EPHA5: variants seen among roughly 807,000 people sequenced by gnomAD.
EPHA5 encodes the protein EPH receptor A5, also known as ephrin type-A receptor 5.
Under a neutral mutation model 105.0 loss-of-function variants are expected in EPHA5, and 60 were observed. That is an observed-to-expected ratio of 0.57 (90% CI 0.46 to 0.71). EPHA5 has a LOEUF of 0.71. Among genes scored for constraint, EPHA5 ranks in the 30% least tolerant of loss-of-function variants. EPHA5 has a pLI of 0.00. For missense variants in EPHA5, 1,218 were observed against 1,274.7 expected (o/e 0.96, Z 0.68); for synonymous variants, 513 against 449.1 (o/e 1.14, Z -1.80).
chr4:65,491,571 T>C (rs2149216419), intron 4 of EPHA5, among the ~76,000 whole-genome samples: 1 of 152,176 alleles, frequency 6.6e-6, no homozygotes, highest in East Asian at 1.9e-4. Context: ...ACGAATAGCT[T>C]TCAGGAGTGA....
chr4:65,396,084 C>T (rs1721203710), intron 8 of EPHA5, among the ~76,000 whole-genome samples: 1 of 152,210 alleles, frequency 6.6e-6, no homozygotes, highest in Non-Finnish European at 1.5e-5. Context: ...CCAAAAGACT[C>T]CCTGCCCCTG....
chr4:65,622,710 T>C (rs1220120613), intron 2 of EPHA5, among the ~76,000 whole-genome samples: 1 of 152,108 alleles, frequency 6.6e-6, no homozygotes, highest in Non-Finnish European at 1.5e-5. Context: ...CCTTTGAATT[T>C]TGTTTTTAAA....
At chr4:65,348,952 A>T (rs1272910067) in intron 13 of EPHA5, among the ~76,000 whole-genome samples, 1 of 149,236 alleles carries the variant, frequency 6.7e-6, no homozygotes, top group Non-Finnish European at 1.5e-5. Flanking sequence ...AGTAGCTGGG[A>T]CTACAGATGT....
intron 5 of EPHA5, among the ~76,000 whole-genome samples, chr4:65,466,328 T>C (rs569827347): frequency 2.6e-5 from 4 of 152,314 alleles, no homozygotes; most frequent in African/African-American, 9.6e-5. Context: ...AGTTCAATGA[T>C]TGGCAAAAAA....
intron 2 of EPHA5, among the ~76,000 whole-genome samples, chr4:65,640,302 T>TTTA (rs1354102461): frequency 6.8e-6 from 1 of 146,966 alleles, no homozygotes; most frequent in African/African-American, 2.5e-5. Flanking sequence ...TTTTTTTTTT[T>TTTA]TGAGACGGAG....
chr4:65,348,813 A>ATT (rs1411450820), intron 13 of EPHA5, among the ~76,000 whole-genome samples: 1,951 of 41,292 alleles, frequency 0.047, 405 homozygotes, highest in South Asian at 0.097. Context: ...ATATATATAT[A>ATT]TATTTTTTTT....
intron 2 of EPHA5, among the ~76,000 whole-genome samples, chr4:65,607,882 T>A (rs1744390095): frequency 6.6e-6 from 1 of 152,158 alleles, no homozygotes; most frequent in Admixed American, 6.5e-5. Flanking sequence ...CACATGCACA[T>A]GCATGTTTAC....
intron 16 of EPHA5, among the ~76,000 whole-genome samples, chr4:65,329,969 AC>A (rs1032651784): frequency 2.6e-5 from 4 of 151,438 alleles, no homozygotes; most frequent in African/African-American, 9.7e-5. Context: ...AGCACAGAAA[AC>A]AAAGTGGCAT....
chr4:65,550,180 A>G (rs1417958129), intron 3 of EPHA5, among the ~76,000 whole-genome samples: 1 of 151,936 alleles, frequency 6.6e-6, no homozygotes, highest in African/African-American at 2.4e-5. Flanking sequence ...ACTAAGTCAA[A>G]CATAAGGAAA....
intron 3 of EPHA5, among the ~76,000 whole-genome samples, chr4:65,576,840 G>T (rs1741105810): frequency 2.0e-5 from 3 of 152,276 alleles, no homozygotes; most frequent in Non-Finnish European, 4.4e-5. Flanking sequence ...AGGACAGGTG[G>T]TCATTTGAAG....
At chr4:65,652,379 C>T (rs1366913850) in intron 1 of EPHA5, among the ~76,000 whole-genome samples, 7 of 152,092 alleles carry the variant, frequency 4.6e-5, no homozygotes, top group African/African-American at 1.7e-4. Flanking sequence ...GTGACTGAAA[C>T]TAAAATTATA....
chr4:65,357,127 A>G (rs1324140504), intron 11 of EPHA5, among the ~76,000 whole-genome samples: 1 of 151,506 alleles, frequency 6.6e-6, no homozygotes, highest in African/African-American at 2.4e-5. Context: ...TTTATTATTG[A>G]TAACCATAAA....
At chr4:65,468,693 A>G (rs1274806092) in intron 5 of EPHA5, among the ~76,000 whole-genome samples, 2 of 138,062 alleles carry the variant, frequency 1.4e-5, no homozygotes, top group Admixed American at 7.7e-5. Flanking sequence ...TATATATAAA[A>G]TATATATATA....
In EPHA5 at chr4:65,365,099, G is replaced by A. The variant is rs772088696; in HGVS notation, c.2091C>T (p.Arg697=). 40 of 1,611,842 alleles carry A rather than the reference G, an allele frequency of 2.5e-5. No individual in the cohort carries two copies. The highest frequency in any genetic ancestry group is 2.4e-5 in the Non-Finnish European group (28 of 1,178,490). Residue 697 remains arginine, a synonymous_variant, in exon 11 of 17, where the codon CGC becomes CGT. Transcript: ENST00000613740. The stretch of plus-strand genomic sequence containing the variant: ...TACTTGCTTCACCTAGGAAATCTCT[G>A]CGTTGCTTTTCAGTATAGCCTACTT... ...TLKVGYTEKQ[R]RDFLGEASIM...
chr4:65,431,958 C>T (rs1462920558), intron 5 of EPHA5, among the ~76,000 whole-genome samples: 4 of 151,964 alleles, frequency 2.6e-5, no homozygotes, highest in Non-Finnish European at 4.4e-5. Context: ...ATATTTCTGA[C>T]AAGTAGTGAA....
At chr4:65,385,530 C>T (rs1719994613) in intron 8 of EPHA5, among the ~76,000 whole-genome samples, 1 of 151,830 alleles carries the variant, frequency 6.6e-6, no homozygotes, top group Non-Finnish European at 1.5e-5. Flanking sequence ...TCATATCACA[C>T]TATTCAAATT....
chr4:65,579,320 G>T (rs1029486567), intron 3 of EPHA5, among the ~76,000 whole-genome samples: 10 of 146,330 alleles, frequency 6.8e-5, no homozygotes, highest in Admixed American at 6.9e-5. Context: ...AATTGAGAGG[G>T]GAATAACCTG....
At chr4:65,544,256 C>G (rs773255243) in intron 3 of EPHA5, among the ~76,000 whole-genome samples, 1 of 151,954 alleles carries the variant, frequency 6.6e-6, no homozygotes, top group Admixed American at 6.6e-5. Flanking sequence ...AGCTTCTGCA[C>G]AGCAAAAGTA....
chr4:65,362,057 A>T (rs1250741522), intron 11 of EPHA5, among the ~76,000 whole-genome samples: 1 of 151,684 alleles, frequency 6.6e-6, no homozygotes, highest in Admixed American at 6.6e-5. Flanking sequence ...TAAGCCAAGA[A>T]CTGTGGGCTT....
Sources: allele counts gnomAD v4.1 joint callset (sites outside exome capture counted in the v4.1 genomes callset), GRCh38; gene constraint gnomAD v4.1.1; transcripts MANE v1.5; gene names NCBI Gene and HGNC (gene_info 2026-07-23, HGNC 2026-07-21).